The following AR variants were observed in gnomAD, a reference collection of about 807,000 sequenced individuals.
AR encodes androgen receptor.
A neutral mutation model predicts 53.9 loss-of-function variants in AR; 8 were observed. That is an observed-to-expected ratio of 0.15 (90% confidence interval 0.09 to 0.27). The LOEUF is 0.27. Among genes scored for constraint, AR ranks in the 10% least tolerant of loss-of-function variants. The probability of loss-of-function intolerance (pLI) is 1.00; values close to 1 mark genes in which losing one functional copy is unlikely to be tolerated. For missense variants in AR, 639 were observed against 742.5 expected (o/e 0.86, Z 1.62); for synonymous variants, 359 against 316.4 (o/e 1.13, Z -1.43).
rs759461162 is a variant in AR at position 67,601,212 on chromosome X, A to G, written c.1617-42044A>G. Among the ~76,000 whole-genome samples, 11 of 112,211 alleles carry G rather than the reference A, an allele frequency of 9.8e-5. No individual in the cohort carries two copies. In the East Asian group the frequency reaches 2.5e-3, roughly 26 times the overall value. On this transcript the variant is annotated intron_variant, in intron 1 of 7. Transcript: ENST00000374690. ...TGTTTGTGTTTTTAAAATAAATTAA[A>G]TGGATGATTTCAGCCAGATCATTAT... is the stretch of plus-strand genomic sequence containing the variant.
In AR at chrX:67,660,314, G is replaced by C. The variant is rs572731137; in HGVS notation, c.1768+16907G>C. 1.7e-4 allele frequency among the ~76,000 whole-genome samples: 19 copies of C among 111,541 alleles called. No homozygotes were observed. The South Asian group carries it at 2.3e-3, about 13-fold the overall frequency. ...ATGCCTATGTCCTGAATGGTATTGC[G>C]TAGGTTTTCTTCTAGGGTTTTTATG... On this transcript the variant is annotated intron_variant, in intron 2 of 7. Transcript: ENST00000374690.
At chrX:67,627,192 T>G (rs1036474199) in intron 1 of AR, among the ~76,000 whole-genome samples, 2 of 111,547 alleles carry the variant, frequency 1.8e-5, no homozygotes, top group African/African-American at 6.6e-5. Context: ...TCTAGATCCC[T>G]GAGGAATCAC....
intron 2 of AR, among the ~76,000 whole-genome samples, chrX:67,648,417 C>T (rs1926157444): frequency 9.0e-6 from 1 of 111,368 alleles, no homozygotes. Context: ...TTTGGGGACT[C>T]TCTGGTACCA....
At chrX:67,661,208 C>T (rs1926892195) in intron 2 of AR, among the ~76,000 whole-genome samples, 1 of 110,988 alleles carries the variant, frequency 9.0e-6, no homozygotes, top group South Asian at 3.9e-4. Flanking sequence ...CCTTTATTTC[C>T]TTCTCCTGCC....
intron 1 of AR, among the ~76,000 whole-genome samples, chrX:67,596,025 C>G (rs1192525028): frequency 9.1e-6 from 1 of 110,045 alleles, no homozygotes; most frequent in Non-Finnish European, 1.9e-5. Context: ...GCACCATCCC[C>G]TTGGTGCTGT....
chrX:67,712,591 G>A (rs1277308650), intron 4 of AR, among the ~76,000 whole-genome samples: 2 of 112,390 alleles, frequency 1.8e-5, no homozygotes, highest in Non-Finnish European at 3.8e-5. Context: ...TACAAGTGGA[G>A]CTAGTTTATT....
intron 1 of AR, among the ~76,000 whole-genome samples, chrX:67,608,949 T>C (rs1008487195): frequency 2.7e-5 from 3 of 111,032 alleles, no homozygotes; most frequent in South Asian, 3.8e-4. Context: ...TTAAAACTAA[T>C]TACAATCAGA....
rs927646113 is a variant in AR at position 67,730,574 on chromosome X, A to G, written c.*6733A>G. 5.9e-6 allele frequency: 1 copy of G among 169,095 alleles called. No homozygotes were observed. Among genetic ancestry groups the G allele is most frequent in the Non-Finnish European group, 1.1e-5 (1 of 88,231 alleles). The allele number at this position is 169,095 out of a possible 1,213,427, so 13.9% of individuals were successfully genotyped here. A position where few individuals can be genotyped will look rare whatever the true frequency, so the allele number is the denominator to read the frequency against. On this transcript the variant is annotated 3_prime_UTR_variant, in exon 8 of 8. Transcript: ENST00000374690. Reference sequence around the variant, plus strand: ...CAAGAAAAGCTGCTAATGTCCTCTTATCATTGTTGTTAATTTGTTAAAACA... The same window carrying G: ...CAAGAAAAGCTGCTAATGTCCTCTTGTCATTGTTGTTAATTTGTTAAAACA...
At chrX:67,637,512 C>A (rs904967379) in intron 1 of AR, among the ~76,000 whole-genome samples, 1 of 108,505 alleles carries the variant, frequency 9.2e-6, no homozygotes, top group Non-Finnish European at 1.9e-5. Flanking sequence ...TGAACTCATC[C>A]TTTTTTATGG....
chrX:67,671,229 A>T (rs926554068), intron 2 of AR, among the ~76,000 whole-genome samples: 1 of 111,901 alleles, frequency 8.9e-6, no homozygotes, highest in Non-Finnish European at 1.9e-5. Flanking sequence ...ACAGTGTAAA[A>T]GCGTTCCTAT....
Position 67,723,720 on chromosome X carries a change from T to C in AR, c.2642T>C (p.Leu881Pro). 8.3e-7 allele frequency: 1 copy of C among 1,211,084 alleles called. No homozygotes were observed. Among genetic ancestry groups the C allele is most frequent in the Non-Finnish European group, 1.1e-6 (1 of 895,251 alleles). ...ARELHQFTFD[L>P]LIKSHMVSVD... The stretch of plus-strand genomic sequence containing the variant: ...GAGCTGCATCAGTTCACTTTTGACC[T>C]GCTAATCAAGTCACACATGGTGAGC... The change falls in exon 8 of 8, where the codon CTG (leucine) becomes CCG (proline). Residue 881 changes from leucine (L) to proline (P), a missense_variant. Physicochemically the swap from Leu to Pro is moderately conservative, Grantham distance 98 (BLOSUM62 -3). Transcript: ENST00000374690.
chrX:67,655,808 G>A (rs1052163258), intron 2 of AR, among the ~76,000 whole-genome samples: 9 of 111,641 alleles, frequency 8.1e-5, no homozygotes, highest in East Asian at 2.8e-4. Flanking sequence ...ATAGACTTTC[G>A]AAAATAAAAT....
intron 1 of AR, among the ~76,000 whole-genome samples, chrX:67,628,619 A>T (rs1924848122): frequency 9.2e-6 from 1 of 109,067 alleles, no homozygotes; most frequent in Non-Finnish European, 1.9e-5. Flanking sequence ...CTAATTGAAT[A>T]CCCTTTATTT....
intron 7 of AR, 54 bp from the exon 8 acceptor site, chrX:67,723,632 C>A (rs2147539760): frequency 1.4e-5 from 17 of 1,186,637 alleles, no homozygotes; most frequent in Non-Finnish European, 1.9e-5. Context: ...AAGAGGCTAG[C>A]AGAGGCCACC....
chrX:67,653,818 C>G (rs1247425365), intron 2 of AR, among the ~76,000 whole-genome samples: 2 of 111,373 alleles, frequency 1.8e-5, no homozygotes, highest in Non-Finnish European at 3.8e-5. Context: ...TTAAGCATGT[C>G]TAGTTCCCTC....
intron 7 of AR, 27 bp downstream of exon 7, chrX:67,723,011 T>C (rs775414660): frequency 8.3e-7 from 1 of 1,206,542 alleles, no homozygotes; most frequent in Non-Finnish European, 1.1e-6. Context: ...GGGTGCTTTA[T>C]CAGGGAGAAC....
At position 67,724,936 on chromosome X, in the gene AR, G is replaced by A. The variant is rs992600739; in HGVS notation, c.*1095G>A. On this transcript the variant is annotated 3_prime_UTR_variant, in exon 8 of 8. Coordinates refer to ENST00000374690, the MANE Select transcript of AR (RefSeq NM_000044.6). ...TCATGTGTGAGTCAGGGAGGAGCTG[G>A]AGCCAGAGGAGAAGAAAATGATAGC... 3.5e-5 allele frequency: 6 copies of A among 173,034 alleles called. No individual in the cohort carries two copies. Among genetic ancestry groups the A allele is most frequent in the Non-Finnish European group, 5.5e-5 (5 of 91,298 alleles). 14.3% of individuals were successfully genotyped at this position (173,034 alleles called of 1,213,427 possible).
intron 2 of AR, among the ~76,000 whole-genome samples, chrX:67,646,203 T>A (rs1302623285): frequency 9.0e-6 from 1 of 111,214 alleles, no homozygotes; most frequent in East Asian, 2.8e-4. Context: ...CAGATGGGAC[T>A]TTTAGGCTGT....
At chrX:67,680,768 C>A (rs1297956390) in intron 2 of AR, 1 of 330,569 alleles carries the variant, frequency 3.0e-6, no homozygotes, top group Non-Finnish European at 5.9e-6. Flanking sequence ...GACACTAACC[C>A]CAAGCCATAC....
Sources: gnomAD v4.1 joint callset for allele counts (sites outside exome capture counted in the v4.1 genomes callset) on GRCh38, gnomAD v4.1.1 for gene constraint, MANE v1.5 for transcripts, NCBI Gene and HGNC (gene_info 2026-07-23, HGNC 2026-07-21) for gene names.